ANKS1B: variants seen among roughly 807,000 people sequenced by gnomAD.
ANKS1B encodes the protein ankyrin repeat and sterile alpha motif domain-containing protein 1B.
A neutral mutation model predicts 148.3 loss-of-function variants in ANKS1B; 36 were observed. The observed-to-expected ratio is 0.24, with a 90% CI of 0.19 to 0.32. ANKS1B has a LOEUF of 0.32. Among genes scored for constraint, ANKS1B ranks in the 10% least tolerant of loss-of-function variants. The pLI is 1.00. For missense variants in ANKS1B, 1,157 were observed against 1,542.6 expected (o/e 0.75, Z 4.19); for synonymous variants, 542 against 560.8 (o/e 0.97, Z 0.47).
chr12:99,403,001 T>C (rs1163044042), intron 11 of ANKS1B, among the ~76,000 whole-genome samples: 1 of 145,342 alleles, frequency 6.9e-6, no homozygotes, highest in African/African-American at 2.6e-5. Context: ...GACTTTTTAA[T>C]AATAGCCATT....
intron 1 of ANKS1B, among the ~76,000 whole-genome samples, chr12:99,956,840 C>T (rs1416680822): frequency 1.3e-5 from 2 of 152,166 alleles, no homozygotes; most frequent in Non-Finnish European, 2.9e-5. Context: ...TATAAAAATT[C>T]CAATTACCAA....
intron 9 of ANKS1B, among the ~76,000 whole-genome samples, chr12:99,544,481 T>C (rs1401493635): frequency 6.6e-6 from 1 of 152,146 alleles, no homozygotes; most frequent in Non-Finnish European, 1.5e-5. Context: ...GATAATATGT[T>C]TCTCAAAAGT....
At chr12:99,353,874 C>G (rs1040600863) in intron 12 of ANKS1B, among the ~76,000 whole-genome samples, 2 of 152,016 alleles carry the variant, frequency 1.3e-5, no homozygotes, top group Non-Finnish European at 2.9e-5. Flanking sequence ...GTAATCCTAT[C>G]ACTTTGAGCA....
chr12:99,457,624 G>C (rs990034702), intron 10 of ANKS1B, among the ~76,000 whole-genome samples: 2 of 152,230 alleles, frequency 1.3e-5, no homozygotes, highest in Admixed American at 1.3e-4. Flanking sequence ...AGCAGGAGTA[G>C]CTGTTCTTAT....
intron 15 of ANKS1B, among the ~76,000 whole-genome samples, chr12:99,140,535 A>G (rs1309992119): frequency 6.6e-6 from 1 of 152,162 alleles, no homozygotes; most frequent in African/African-American, 2.4e-5. Context: ...TCTTGTCACC[A>G]TCATGATTCA....
In ANKS1B at chr12:98,838,412, T is replaced by C. The variant is rs111289149; in HGVS notation, c.2779-6276A>G. ...GTTTATTGCCGGCTGGACCAACTCC[T>C]GGGAAAATCACAAACCCACATAATG... On this transcript the variant is annotated intron_variant, in intron 17 of 26. Coordinates refer to ENST00000683438, the MANE Select transcript of ANKS1B (RefSeq NM_001352186.2). Among the ~76,000 whole-genome samples the C allele has an allele frequency of 5.3e-5, 8 of 152,270 alleles. 1 individual carries two copies. The highest frequency in any genetic ancestry group is 1.7e-4 in the African/African-American group (7 of 41,566).
Position 98,933,700 on chromosome 12 carries a change from A to T in ANKS1B, c.2779-101564T>A, listed in dbSNP as rs1200062877. On this transcript the variant is annotated intron_variant, in intron 17 of 26. Coordinates refer to ENST00000683438, the MANE Select transcript of ANKS1B (RefSeq NM_001352186.2). ...AATAATACTCATCCAGACAGGTGTG[A>T]GGTGAGCTCTCATAGTGCTTTTGAC... Among the ~76,000 whole-genome samples, 3 of 151,974 alleles carry T rather than the reference A, an allele frequency of 2.0e-5. No homozygotes were observed. In the East Asian group the frequency reaches 5.8e-4, roughly 29 times the overall value.
chr12:99,114,076 A>G (rs1007788332), intron 15 of ANKS1B, among the ~76,000 whole-genome samples: 10 of 152,184 alleles, frequency 6.6e-5, no homozygotes, highest in African/African-American at 2.4e-4. Flanking sequence ...AGGAACTCAT[A>G]TATGTTTATA....
intron 9 of ANKS1B, among the ~76,000 whole-genome samples, chr12:99,581,764 G>T (rs1244283393): frequency 2.0e-5 from 3 of 151,748 alleles, no homozygotes; most frequent in African/African-American, 7.3e-5. Flanking sequence ...GGTGGCGGGC[G>T]CCTGTAGTCC....
chr12:98,973,223 A>AT (rs1315729113), intron 17 of ANKS1B, among the ~76,000 whole-genome samples: 1 of 136,692 alleles, frequency 7.3e-6, no homozygotes, highest in Non-Finnish European at 1.5e-5. Flanking sequence ...CAAAAAAAAA[A>AT]AATAATAAAG....
intron 17 of ANKS1B, 49 bp downstream of exon 17, chr12:99,053,108 C>A (rs1479652838): frequency 6.8e-7 from 1 of 1,462,132 alleles, no homozygotes; most frequent in Non-Finnish European, 9.1e-7. Context: ...AATTAAATTT[C>A]ATTTATCAAG....
intron 1 of ANKS1B, among the ~76,000 whole-genome samples, chr12:99,864,850 T>C (rs1270236688): frequency 6.6e-6 from 1 of 152,212 alleles, no homozygotes; most frequent in East Asian, 1.9e-4. Context: ...AATGCACTGA[T>C]GACAATAATG....
Position 98,773,176 on chromosome 12 carries a change from T to A in ANKS1B, c.3445A>T (p.Ile1149Leu). The A allele has an allele frequency of 6.2e-7, 1 of 1,606,480 alleles. No individual in the cohort carries two copies. The highest frequency in any genetic ancestry group is 1.1e-5 in the South Asian group (1 of 89,456). Reference sequence around the variant, plus strand: ...TTACGAATTTCATGCTCAGCAATTATGTTCTGGAAGAAATGACATAAATGA... The same window carrying A: ...TTACGAATTTCATGCTCAGCAATTAAGTTCTGGAAGAAATGACATAAATGA... The part of the protein sequence containing the change: ...VKFIDATNKN[I>L]IAEHEIRNIS... Residue 1149 changes from isoleucine to leucine, a missense_variant, in exon 25 of 27, where the codon ATA becomes TTA. This residue lies in a region of ANKS1B where 258 missense variants were observed against 497.0 expected (regional missense o/e 0.52). Coordinates refer to ENST00000683438, the MANE Select transcript of ANKS1B (RefSeq NM_001352186.2).
chr12:99,297,094 G>A (rs1602543876), intron 12 of ANKS1B, among the ~76,000 whole-genome samples: 1 of 152,174 alleles, frequency 6.6e-6, no homozygotes, highest in Non-Finnish European at 1.5e-5. Context: ...CTTTAGGAAT[G>A]TGAATATCTA....
intron 9 of ANKS1B, among the ~76,000 whole-genome samples, chr12:99,517,493 G>A (rs560485631): frequency 2.6e-4 from 40 of 151,776 alleles, no homozygotes; most frequent in Admixed American, 4.6e-4. Context: ...CAAGATGGGC[G>A]GATCATCTGA....
chr12:98,842,948 A>G (rs113704851), intron 17 of ANKS1B, among the ~76,000 whole-genome samples: 4 of 152,220 alleles, frequency 2.6e-5, no homozygotes, highest in Non-Finnish European at 4.4e-5. Flanking sequence ...ACACTTCAGT[A>G]AAAATGTTTA....
chr12:99,885,425 C>T (rs140311232), intron 1 of ANKS1B, among the ~76,000 whole-genome samples: 181 of 151,648 alleles, frequency 1.2e-3, no homozygotes, highest in African/African-American at 4.1e-3. Context: ...TTCAGCCTCC[C>T]GAGTAGCTGG....
intron 16 of ANKS1B, chr12:99,083,698 T>G (rs2050630204): frequency 6.6e-6 from 1 of 152,170 alleles, no homozygotes; most frequent in Admixed American, 6.6e-5. Context: ...TGAAGTACAT[T>G]TGCATTGTTG....
intron 9 of ANKS1B, among the ~76,000 whole-genome samples, chr12:99,633,728 A>G (rs2098198952): frequency 6.6e-6 from 1 of 152,212 alleles, no homozygotes; most frequent in Admixed American, 6.6e-5. Flanking sequence ...AAATTTTGCA[A>G]TCTACTCATC....
Sources: allele counts gnomAD v4.1 joint callset (sites outside exome capture counted in the v4.1 genomes callset), GRCh38; gene constraint gnomAD v4.1.1; regional missense constraint gnomAD v4.1.1; transcripts MANE v1.5; gene names NCBI Gene and HGNC (gene_info 2026-07-23, HGNC 2026-07-21).